The following FBXO34 variants were observed in gnomAD, a reference collection of about 807,000 sequenced individuals.
FBXO34 encodes F-box only protein 34.
FBXO34 carries 12 observed loss-of-function variants against 24.5 expected under a neutral mutation model. That is an observed-to-expected ratio of 0.49 (90% CI 0.31 to 0.79). The LOEUF is 0.79. FBXO34 is among the 30% of genes least tolerant of loss of function. The pLI is 0.04. For synonymous variants in FBXO34, 320 were observed against 311.9 expected, an observed-to-expected ratio of 1.03 and a Z score of -0.27; for missense variants, 823 against 857.7, an observed-to-expected ratio of 0.96 and a Z score of 0.51.
chr14:55,431,182 C>G, the FBXO34 span, among the ~76,000 whole-genome samples: 1 of 152,216 alleles, frequency 6.6e-6, no homozygotes, highest in South Asian at 2.1e-4. Flanking sequence ...ATAATACTGG[C>G]ACCTCTTATT....
chr14:55,371,885 G>C (rs538232237), downstream of FBXO34, among the ~76,000 whole-genome samples: 1 of 152,292 alleles, frequency 6.6e-6, no homozygotes, highest in Non-Finnish European at 1.5e-5. Context: ...CCAGAAGTCA[G>C]TATTTTGCAA....
intron 1 of FBXO34, among the ~76,000 whole-genome samples, chr14:55,303,762 C>T (rs1348055802): frequency 1.3e-5 from 2 of 152,002 alleles, no homozygotes; most frequent in East Asian, 3.8e-4. Context: ...ATGTTATGAA[C>T]TCAGCAGGTT....
At chr14:55,402,958 T>TAA in the FBXO34 span, among the ~76,000 whole-genome samples, 1 of 58,774 alleles carries the variant, frequency 1.7e-5, no homozygotes, top group Non-Finnish European at 3.3e-5. Flanking sequence ...TATATATATA[T>TAA]ATATATATAT....
chr14:55,421,100 G>T, the FBXO34 span, among the ~76,000 whole-genome samples: 2 of 151,494 alleles, frequency 1.3e-5, no homozygotes, highest in South Asian at 2.1e-4. Context: ...TTTGGGGTAG[G>T]TGGGAAAGCT....
chr14:55,377,712 G>C, the FBXO34 span: 1 of 717,098 alleles, frequency 1.4e-6, no homozygotes. Flanking sequence ...TTTTTGTCCG[G>C]TTTGAGGAGT....
At chr14:55,380,875 A>ATATATATATTTTTT in the FBXO34 span, among the ~76,000 whole-genome samples, 8 of 112,728 alleles carry the variant, frequency 7.1e-5, no homozygotes, top group Admixed American at 3.6e-4. Flanking sequence ...ATATATATAT[A>ATATATATATTTTTT]TTTTTTTTTT....
intron 1 of FBXO34, among the ~76,000 whole-genome samples, chr14:55,296,175 G>A (rs1366658687): frequency 1.3e-5 from 2 of 152,070 alleles, no homozygotes; most frequent in Non-Finnish European, 2.9e-5. Context: ...TAAAGCCAGA[G>A]TTGGCTCCTA....
At chr14:55,342,876 C>T (rs1167670426) in intron 1 of FBXO34, among the ~76,000 whole-genome samples, 1 of 152,128 alleles carries the variant, frequency 6.6e-6, no homozygotes. Flanking sequence ...CATAATTTAT[C>T]GTAGGTTTTC....
chr14:55,280,295 G>T (rs922614910), intron 1 of FBXO34, among the ~76,000 whole-genome samples: 1 of 152,038 alleles, frequency 6.6e-6, no homozygotes, highest in African/African-American at 2.4e-5. Context: ...CTATCTGTGG[G>T]TTTATCATCC....
At chr14:55,283,984 G>A (rs1594724622) in intron 1 of FBXO34, among the ~76,000 whole-genome samples, 4 of 151,254 alleles carry the variant, frequency 2.6e-5, no homozygotes, top group South Asian at 4.2e-4. Flanking sequence ...GTCTGTGTGT[G>A]TGTGTATGTG....
chr14:55,310,624 C>T (rs1282266903), intron 1 of FBXO34, among the ~76,000 whole-genome samples: 5 of 152,154 alleles, frequency 3.3e-5, no homozygotes, highest in African/African-American at 1.2e-4. Context: ...TGCCTGCCTG[C>T]CTGCCTGCCA....
At chr14:55,276,690 A>G (rs905555820) in intron 1 of FBXO34, among the ~76,000 whole-genome samples, 3 of 152,216 alleles carry the variant, frequency 2.0e-5, no homozygotes, top group African/African-American at 7.2e-5. Flanking sequence ...CAAAAAAATT[A>G]AAAGGATAAA....
chr14:55,298,795 C>T (rs1392564478), intron 1 of FBXO34: 13 of 1,608,238 alleles, frequency 8.1e-6, no homozygotes, highest in Non-Finnish European at 1.0e-5. Context: ...AAAAACAAGC[C>T]CGCGGCCCTC....
chr14:55,440,751 G>A, the FBXO34 span: 2 of 559,750 alleles, frequency 3.6e-6, no homozygotes, highest in Non-Finnish European at 6.2e-6. Flanking sequence ...CCGCAGCTGG[G>A]AAGGGCCTGG....
the FBXO34 span, chr14:55,411,512 C>T: frequency 1.6e-6 from 2 of 1,288,526 alleles, no homozygotes; most frequent in South Asian, 1.4e-5. Flanking sequence ...TATCTGGTGC[C>T]CGGACGGGGA....
At chr14:55,339,985 C>G (rs566506234) in intron 1 of FBXO34, among the ~76,000 whole-genome samples, 2 of 152,156 alleles carry the variant, frequency 1.3e-5, no homozygotes, top group African/African-American at 4.8e-5. Context: ...TTCCCCACCC[C>G]CTTCACTCCC....
chr14:55,400,468 C>T, the FBXO34 span, among the ~76,000 whole-genome samples: 10 of 152,184 alleles, frequency 6.6e-5, no homozygotes, highest in Admixed American at 5.9e-4. Flanking sequence ...TGGATGGACA[C>T]CATATAATTT....
chr14:55,423,405 C>T, the FBXO34 span, among the ~76,000 whole-genome samples: 1 of 152,002 alleles, frequency 6.6e-6, no homozygotes, highest in Non-Finnish European at 1.5e-5. Context: ...TGAGTGTCCA[C>T]ACTAATATCA....
chr14:55,342,816 T>C (rs1884034716), intron 1 of FBXO34, among the ~76,000 whole-genome samples: 1 of 152,242 alleles, frequency 6.6e-6, no homozygotes, highest in South Asian at 2.1e-4. Flanking sequence ...GTTTGAAAGA[T>C]AAAAGCTCTT....
Sources: allele counts gnomAD v4.1 joint callset (sites outside exome capture counted in the v4.1 genomes callset), GRCh38; gene constraint gnomAD v4.1.1; transcripts MANE v1.5; gene names NCBI Gene and HGNC (gene_info 2026-07-23, HGNC 2026-07-21).